The following ST14 variants were observed in gnomAD, a reference collection of about 807,000 sequenced individuals.
ST14 encodes the protein suppressor of tumorigenicity 14 protein.
ST14 carries 40 observed loss-of-function variants against 96.5 expected under a neutral mutation model. The ratio of observed to expected loss-of-function variants is 0.41; its 90% CI spans 0.32 to 0.54. The LOEUF (loss-of-function observed/expected upper bound fraction) is 0.54, where lower values mean the gene tolerates loss of function less well. Ranked by LOEUF, ST14 falls within the 20% of genes least tolerant of loss-of-function variation. ST14 has a pLI of 0.17. For missense variants in ST14, 1,066 were observed against 1,188.9 expected (o/e 0.90, Z 1.52); for synonymous variants, 506 against 492.1 (o/e 1.03, Z -0.37).
intron 1 of ST14, among the ~76,000 whole-genome samples, chr11:130,173,956 T>C (rs1953115330): frequency 6.6e-6 from 1 of 152,204 alleles, no homozygotes; most frequent in African/African-American, 2.4e-5. Context: ...ACATAAAGCT[T>C]CTGGTAGTTT....
At chr11:130,161,511 C>A (rs866270549) in intron 1 of ST14, among the ~76,000 whole-genome samples, 2 of 152,178 alleles carry the variant, frequency 1.3e-5, no homozygotes, top group Non-Finnish European at 2.9e-5. Flanking sequence ...TCTTCCTGGT[C>A]GTGTGGTCCA....
intron 1 of ST14, among the ~76,000 whole-genome samples, chr11:130,174,750 G>A (rs959173631): frequency 1.4e-4 from 22 of 152,172 alleles, no homozygotes; most frequent in Admixed American, 1.4e-3. Flanking sequence ...GACTTTGGCA[G>A]TTCACCCTCT....
Position 130,188,185 on chromosome 11 carries a change from C to T in ST14, c.153C>T (p.Gly51=), listed in dbSNP as rs781287843. 1.2e-6 allele frequency: 2 copies of T among 1,614,198 alleles called. No homozygotes were observed. The highest frequency in any genetic ancestry group is 2.2e-5 in the South Asian group (2 of 91,082). Residue 51 remains glycine, a synonymous_variant, in exon 2 of 19, where the codon GGC becomes GGT. Transcript: ENST00000278742. This position sits in a 1 kb window ranked among gnomAD's most constrained non-coding sequence, Gnocchi z 5.4. ...ACGTCAAGAAGGTGGAAAAGCATGG[C>T]CCGGGGCGCTGGGTGGTGCTGGCAG... ...VNNVKKVEKH[G]PGRWVVLAAV...
At chr11:130,186,949 A>G (rs115486894) in intron 1 of ST14, among the ~76,000 whole-genome samples, 1,798 of 152,318 alleles carry the variant, frequency 0.012, 28 homozygotes, top group African/African-American at 0.04. Flanking sequence ...CCAATTAGGA[A>G]ACTAAAATTG....
At chr11:130,163,357 C>T (rs1296336233) in intron 1 of ST14, among the ~76,000 whole-genome samples, 1 of 152,228 alleles carries the variant, frequency 6.6e-6, no homozygotes, top group Non-Finnish European at 1.5e-5. Flanking sequence ...GTGCCAGCTG[C>T]ATATCCCTTT....
At position 130,179,220 on chromosome 11, in the gene ST14, T is replaced by G. The variant is rs576549800; in HGVS notation, c.82-8894T>G. On this transcript the variant is annotated intron_variant, in intron 1 of 18. Coordinates refer to ENST00000278742, the MANE Select transcript of ST14 (RefSeq NM_021978.4). The stretch of plus-strand genomic sequence containing the variant: ...GCTCCTGATGCATGACATCAGCACC[T>G]CCAGGGAGAGGGGCTTGGGAATCTG... 2.0e-5 allele frequency among the ~76,000 whole-genome samples: 3 copies of G among 152,282 alleles called. No individual in the cohort carries two copies. The South Asian group carries it at 6.2e-4, about 32-fold the overall frequency.
At chr11:130,175,923 A>G (rs1333925184) in intron 1 of ST14, among the ~76,000 whole-genome samples, 2 of 152,006 alleles carry the variant, frequency 1.3e-5, no homozygotes, top group Non-Finnish European at 2.9e-5. Context: ...TCAGCCTCCC[A>G]AAGTACTGAA....
chr11:130,162,933 A>T (rs1197373996), intron 1 of ST14, among the ~76,000 whole-genome samples: 1 of 152,160 alleles, frequency 6.6e-6, no homozygotes, highest in Non-Finnish European at 1.5e-5. Context: ...GATCTCAGAG[A>T]TGTTACTCAA....
At chr11:130,174,758 T>G (rs1953121354) in intron 1 of ST14, among the ~76,000 whole-genome samples, 1 of 152,172 alleles carries the variant, frequency 6.6e-6, no homozygotes, top group African/African-American at 2.4e-5. Context: ...CAGTTCACCC[T>G]CTGCTGTCAC....
intron 4 of ST14, 26 bp from the exon 5 acceptor site, chr11:130,189,713 G>A (rs780320543): frequency 1.4e-5 from 23 of 1,607,090 alleles, no homozygotes; most frequent in Non-Finnish European, 1.9e-5. Context: ...CCAGAGCTCC[G>A]CCTCAGGCTC....
At position 130,187,191 on chromosome 11, in the gene ST14, A is replaced by G. The variant is rs1953245646; in HGVS notation, c.82-923A>G. Among the ~76,000 whole-genome samples the G allele has an allele frequency of 6.6e-6, 1 of 152,128 alleles. No individual in the cohort carries two copies. Among genetic ancestry groups the G allele is most frequent in the African/African-American group, 2.4e-5 (1 of 41,420 alleles). ...GAGCCGTATTGAGTGGGCGTGAGGTAGTTAAACTGAGAGTGCCACAGTGCC... is the reference window on the plus strand; with the variant it reads ...GAGCCGTATTGAGTGGGCGTGAGGTGGTTAAACTGAGAGTGCCACAGTGCC... On this transcript the variant is annotated intron_variant, in intron 1 of 18. Transcript: ENST00000278742. This position sits in a 1 kb window ranked among gnomAD's most constrained non-coding sequence, Gnocchi z 4.5.
intron 1 of ST14, among the ~76,000 whole-genome samples, chr11:130,184,936 C>A (rs879350268): frequency 1.3e-5 from 2 of 152,128 alleles, no homozygotes; most frequent in East Asian, 3.9e-4. Flanking sequence ...TATAGTCTAA[C>A]CATTGGGAGT....
Position 130,188,550 on chromosome 11 carries a change from A to G in ST14, c.262A>G (p.Lys88Glu). 1 of 1,614,160 alleles carries G rather than the reference A, an allele frequency of 6.2e-7. No homozygotes were observed. Among genetic ancestry groups the G allele is most frequent in the East Asian group, 2.2e-5 (1 of 44,866 alleles). ...HLQYRDVRVQ[K>E]VFNGYMRITN... ...CACAGACCGGGACGTGCGTGTCCAG[A>G]AGGTCTTCAATGGCTACATGAGGAT... Residue 88 changes from lysine to glutamate, a missense_variant, in exon 3 of 19, where the codon AAG becomes GAG. Lys to Glu is a moderately conservative substitution (Grantham distance 56). Coordinates refer to ENST00000278742, the MANE Select transcript of ST14 (RefSeq NM_021978.4). The surrounding 1 kb of genome is among the most constrained non-coding windows in gnomAD (Gnocchi z 5.4).
chr11:130,196,563 C>CG lies in ST14; in HGVS notation c.1224-7_1224-6insG, dbSNP rs761882105. On this transcript the variant is annotated splice_region_variant and splice_polypyrimidine_tract_variant and intron_variant, in intron 10 of 18. Coordinates refer to ENST00000278742, the MANE Select transcript of ST14 (RefSeq NM_021978.4). Reference sequence around the variant, plus strand: ...CCTCCTCACCTTGTGCCCCGCCCCCCCTCCAGATACTGCGGAGAGAGGTCC... The same window carrying CG: ...CCTCCTCACCTTGTGCCCCGCCCCCCGCTCCAGATACTGCGGAGAGAGGTCC... 19 of 1,611,062 alleles carry CG rather than the reference C, an allele frequency of 1.2e-5. No individual in the cohort carries two copies. Among genetic ancestry groups the CG allele is most frequent in the Admixed American group, 1.7e-5 (1 of 59,568 alleles).
At chr11:130,198,263 G>A (rs1407275591) in intron 12 of ST14, 45 bp from the exon 13 acceptor site, 1 of 1,557,634 alleles carries the variant, frequency 6.4e-7, no homozygotes. Context: ...GGGAAGCAGT[G>A]AGTGATGAGG....
intron 13 of ST14, 31 bp from the exon 14 acceptor site, chr11:130,198,477 T>C: frequency 6.2e-7 from 1 of 1,612,820 alleles, no homozygotes; most frequent in Non-Finnish European, 8.5e-7. Context: ...TGACGGTGGC[T>C]CCTGGTGGCT....
intron 1 of ST14, among the ~76,000 whole-genome samples, chr11:130,166,264 C>A (rs1953040129): frequency 6.6e-6 from 1 of 152,246 alleles, no homozygotes. Flanking sequence ...CCCCTCCTTG[C>A]TGTCTATGGT....
rs777231828 is a variant in ST14, at chr11:130,208,441, C to T, written c.2026C>T (p.Leu676=). ...YSDPTQWTAF[L]GLHDQSQRSA... ...AGACCCCACGCAGTGGACGGCCTTC[C>T]TGGGCTTGCACGACCAGAGCCAGCG... The change falls in exon 17 of 19, where the codon CTG becomes TTG. Residue 676 remains leucine, a synonymous_variant. Coordinates refer to ENST00000278742, the MANE Select transcript of ST14 (RefSeq NM_021978.4). 2.5e-6 allele frequency: 4 copies of T among 1,614,162 alleles called. No homozygotes were observed. The highest frequency in any genetic ancestry group is 3.4e-6 in the Non-Finnish European group (4 of 1,180,048).
intron 16 of ST14, among the ~76,000 whole-genome samples, chr11:130,204,425 C>T (rs1953465258): frequency 6.6e-6 from 1 of 152,140 alleles, no homozygotes; most frequent in South Asian, 2.1e-4. Context: ...CTGGTGGCAA[C>T]AGATTACAGT....
Sources: gnomAD v4.1 joint callset for allele counts (sites outside exome capture counted in the v4.1 genomes callset) on GRCh38, gnomAD v4.1.1 for gene constraint, Gnocchi (gnomAD v3.1) non-coding constraint, MANE v1.5 for transcripts, NCBI Gene and HGNC (gene_info 2026-07-23, HGNC 2026-07-21) for gene names.